The following VSIR variants were observed in gnomAD, a reference collection of about 807,000 sequenced individuals.
VSIR encodes the protein V-set immunoregulatory receptor.
VSIR carries 10 observed loss-of-function variants against 31.0 expected under a neutral mutation model. The ratio of observed to expected loss-of-function variants is 0.32; its 90% confidence interval spans 0.20 to 0.55. The LOEUF is 0.55. Among genes scored for constraint, VSIR ranks in the 20% least tolerant of loss-of-function variants. VSIR has a pLI of 0.93. For synonymous variants in VSIR, 179 were observed against 180.1 expected (o/e 0.99, Z 0.05); for missense variants, 356 against 416.2 (o/e 0.86, Z 1.26).
chr10:71,761,095 G>A (rs575196887), intron 2 of VSIR, among the ~76,000 whole-genome samples, 171 bp from the exon 3 acceptor site: 2 of 152,282 alleles, frequency 1.3e-5, no homozygotes, highest in East Asian at 3.9e-4. Flanking sequence ...ACCCTGGCAT[G>A]TTCTCACCCT....
chr10:71,761,477 TG>T, intron 2 of VSIR, 120 bp downstream of exon 2: 1 of 1,199,946 alleles, frequency 8.3e-7, no homozygotes, highest in African/African-American at 1.5e-5. Context: ...ACACACTCCC[TG>T]GAGTGCCAGT....
At chr10:71,752,654 G>C (rs2132866877) in intron 5 of VSIR, among the ~76,000 whole-genome samples, 1 of 152,284 alleles carries the variant, frequency 6.6e-6, no homozygotes, top group African/African-American at 2.4e-5. Context: ...GGCTGGGGCT[G>C]GGCCCGCTGG....
chr10:71,764,382 A>T (rs1386785268), intron 1 of VSIR, among the ~76,000 whole-genome samples: 1 of 152,236 alleles, frequency 6.6e-6, no homozygotes, highest in Non-Finnish European at 1.5e-5. Flanking sequence ...AATTAAACTC[A>T]GACACATAGA....
chr10:71,752,955 A>G lies in VSIR; in HGVS notation c.704+20T>C, dbSNP rs138994922. Reference sequence around the variant, plus strand: ...AGCCGGCCCAGGAAGTTTTCTCAAGAAGGTCTCCATGGGCCTTACCTGTCC... The same window carrying G: ...AGCCGGCCCAGGAAGTTTTCTCAAGGAGGTCTCCATGGGCCTTACCTGTCC... On this transcript the variant is annotated intron_variant, in intron 5 of 6. Coordinates refer to ENST00000394957, the MANE Select transcript of VSIR (RefSeq NM_022153.2). 1 of 1,611,818 alleles carries G rather than the reference A, an allele frequency of 6.2e-7. No individual in the cohort carries two copies. The highest frequency in any genetic ancestry group is 1.3e-5 in the African/African-American group (1 of 74,968).
intron 1 of VSIR, among the ~76,000 whole-genome samples, chr10:71,767,062 G>A (rs1345353487): frequency 1.3e-5 from 2 of 152,240 alleles, no homozygotes; most frequent in Non-Finnish European, 2.9e-5. Context: ...TCCATCAGGG[G>A]CATCTGCTCA....
intron 4 of VSIR, among the ~76,000 whole-genome samples, chr10:71,753,999 G>A (rs559410912): frequency 6.6e-6 from 1 of 152,214 alleles, no homozygotes; most frequent in Non-Finnish European, 1.5e-5. Flanking sequence ...AAGCAGGATG[G>A]AAATCCACAC....
At chr10:71,770,291 G>A (rs1840657450) in intron 1 of VSIR, among the ~76,000 whole-genome samples, 1 of 152,360 alleles carries the variant, frequency 6.6e-6, no homozygotes, top group Non-Finnish European at 1.5e-5. Flanking sequence ...AAGGGAGGTG[G>A]TATCATCTTC....
chr10:71,760,264 T>C (rs1377130807), intron 3 of VSIR, among the ~76,000 whole-genome samples: 34 of 114,024 alleles, frequency 3.0e-4, no homozygotes, highest in African/African-American at 7.8e-4. Flanking sequence ...TATATATGTA[T>C]ATACATATAT....
intron 1 of VSIR, among the ~76,000 whole-genome samples, chr10:71,766,551 G>T (rs986432551): frequency 2.0e-5 from 3 of 152,182 alleles, no homozygotes; most frequent in Non-Finnish European, 4.4e-5. Flanking sequence ...CTGAGCCTCC[G>T]TTTCTTCATC....
Position 71,761,795 on chromosome 10 carries a change from T to C in VSIR, c.314A>G (p.Gln105Arg), listed in dbSNP as rs776190951. The C allele has an allele frequency of 1.9e-6, 3 of 1,614,130 alleles. No homozygotes were observed. The East Asian group carries it at 6.7e-5, about 36-fold the overall frequency. Residue 105 changes from glutamine (Q) to arginine (R), a missense_variant, in exon 2 of 7, where the codon CAG becomes CGG. By Grantham distance (43) the Gln-to-Arg change is conservative. Transcript: ENST00000394957. ...CAGGTCGTGGCTGGTGTTGGCAGCC[T>C]GGTGGCCTCCATGGTGCAGGTGAAG... is the stretch of plus-strand genomic sequence containing the variant. ...QDLHLHHGGH[Q>R]AANTSHDLAQ...
rs1261341315 is a variant in VSIR at position 71,754,327 on chromosome 10, T to TG, written c.676+1031dup. 7.3e-5 allele frequency among the ~76,000 whole-genome samples: 11 copies of TG among 151,290 alleles called. No individual in the cohort carries two copies. In the East Asian group the frequency reaches 2.0e-3, roughly 27 times the overall value. On this transcript the variant is annotated intron_variant, in intron 4 of 6. Coordinates refer to ENST00000394957, the MANE Select transcript of VSIR (RefSeq NM_022153.2). ...GAGTGACCCACTATGGGGCTTCACG[T>TG]GGGGGCCCCCGGGAATGAGGGGAGG...
chr10:71,762,971 CAG>C (rs1409960639), intron 1 of VSIR, among the ~76,000 whole-genome samples: 1 of 152,142 alleles, frequency 6.6e-6, no homozygotes, highest in African/African-American at 2.4e-5. Context: ...CTTTTGAAAA[CAG>C]AATATTGGAT....
chr10:71,751,318 C>A lies in VSIR; in HGVS notation c.899-28G>T, dbSNP rs544211824. The A allele has an allele frequency of 7.5e-6, 12 of 1,604,284 alleles. No homozygotes were observed. Among genetic ancestry groups the A allele is most frequent in the Non-Finnish European group, 1.0e-5 (12 of 1,174,696 alleles). ...GCAAGAAAAGGAGAAGCAAAGTGAACGGGGCCCCTCTGCCCCTCACCCTCA... is the reference window on the plus strand; with the variant it reads ...GCAAGAAAAGGAGAAGCAAAGTGAAAGGGGCCCCTCTGCCCCTCACCCTCA... On this transcript the variant is annotated intron_variant, in intron 6 of 6. Coordinates refer to ENST00000394957, the MANE Select transcript of VSIR (RefSeq NM_022153.2). This position sits in a 1 kb window ranked among gnomAD's most constrained non-coding sequence, Gnocchi z 4.9.
intron 3 of VSIR, among the ~76,000 whole-genome samples, chr10:71,758,927 T>G (rs1187332345): frequency 6.6e-6 from 1 of 152,156 alleles, no homozygotes; most frequent in Non-Finnish European, 1.5e-5. Flanking sequence ...TGGAGTGCAG[T>G]GGTGTGATCT....
At position 71,760,219 on chromosome 10, in the gene VSIR, GTGTATATATA is replaced by G. The variant is rs1449715682; in HGVS notation, c.568+639_568+648del. Among the ~76,000 whole-genome samples, 39 of 52,034 alleles carry G rather than the reference GTGTATATATA, an allele frequency of 7.5e-4. 5 individuals carry two copies. Among genetic ancestry groups the G allele is most frequent in the African/African-American group, 3.1e-3 (38 of 12,384 alleles). The allele number at this position is 52,034 out of a possible 152,430, so 34.1% of individuals were successfully genotyped here. A position where few individuals can be genotyped will look rare whatever the true frequency, so the allele number is the denominator to read the frequency against. On this transcript the variant is annotated intron_variant, in intron 3 of 6. Transcript: ENST00000394957. ...TATACATATATATGTGTGTATATAT[GTGTATATATA>G]TGTATATACATATATATGTATGTAT...
At chr10:71,753,089 G>A (rs1840047240) in intron 4 of VSIR, 87 bp from the exon 5 acceptor site, 2 of 1,512,472 alleles carry the variant, frequency 1.3e-6, no homozygotes, top group Non-Finnish European at 1.8e-6. Flanking sequence ...ATGCCCTGCA[G>A]GGAACAGGAG....
chr10:71,753,815 T>A (rs1218527399), intron 4 of VSIR: 1 of 456,362 alleles, frequency 2.2e-6, no homozygotes, highest in Non-Finnish European at 4.4e-6. Context: ...CACAGGGAAG[T>A]TACCCAAAAG....
chr10:71,766,155 G>A (rs1343841098), intron 1 of VSIR, among the ~76,000 whole-genome samples: 4 of 152,250 alleles, frequency 2.6e-5, no homozygotes, highest in Non-Finnish European at 5.9e-5. Flanking sequence ...TTTGGCGAGA[G>A]GATGTTGCTT....
At chr10:71,757,833 G>A (rs1840190148) in intron 3 of VSIR, among the ~76,000 whole-genome samples, 1 of 152,202 alleles carries the variant, frequency 6.6e-6, no homozygotes, top group African/African-American at 2.4e-5. Context: ...ACATTCTGCT[G>A]CGCTGGGGGG....
Sources: gnomAD v4.1 joint callset for allele counts (sites outside exome capture counted in the v4.1 genomes callset) on GRCh38, gnomAD v4.1.1 for gene constraint, Gnocchi (gnomAD v3.1) non-coding constraint, MANE v1.5 for transcripts, NCBI Gene and HGNC (gene_info 2026-07-23, HGNC 2026-07-21) for gene names.